Variants in TM2D1 observed in about 807,000 individuals in gnomAD.
The protein encoded by TM2D1 is TM2 domain-containing protein 1.
A neutral mutation model predicts 28.4 loss-of-function variants in TM2D1; 15 were observed. That is an observed-to-expected ratio of 0.53 (90% CI 0.35 to 0.81). The LOEUF (loss-of-function observed/expected upper bound fraction) is 0.81, where lower values mean the gene tolerates loss of function less well. TM2D1 is among the 40% of genes least tolerant of loss of function. TM2D1 has a pLI of 0.01. For synonymous variants in TM2D1, 93 were observed against 96.2 expected, an observed-to-expected ratio of 0.97 and a Z score of 0.20; for missense variants, 236 against 254.9, an observed-to-expected ratio of 0.93 and a Z score of 0.50.
intron 5 of TM2D1, among the ~76,000 whole-genome samples, chr1:61,691,775 C>T (rs979965085): frequency 6.7e-6 from 1 of 149,948 alleles, no homozygotes; most frequent in Admixed American, 6.7e-5. Flanking sequence ...ATTAGCCAGG[C>T]GTAGTGGTGT....
chr1:61,697,578 C>G (rs886417763), intron 4 of TM2D1: 3 of 152,110 alleles, frequency 2.0e-5, no homozygotes, highest in African/African-American at 7.2e-5. Context: ...ACCTAAATGA[C>G]ATGCAATGAC....
chr1:61,710,053 T>G (rs1213174143), intron 2 of TM2D1, among the ~76,000 whole-genome samples: 1 of 152,154 alleles, frequency 6.6e-6, no homozygotes, highest in Non-Finnish European at 1.5e-5. Context: ...TTAACAGCTT[T>G]ATAACCTCAT....
Position 61,701,260 on chromosome 1 carries a change from T to C in TM2D1, c.348-235A>G, listed in dbSNP as rs188911415. ...GGTGGTAACAAGCAATAAACACAAATATATTTAAAAAATAAATCATATACT... is the reference window on the plus strand; with the variant it reads ...GGTGGTAACAAGCAATAAACACAAACATATTTAAAAAATAAATCATATACT... On this transcript the variant is annotated intron_variant, in intron 3 of 6. Coordinates refer to ENST00000606498, the MANE Select transcript of TM2D1 (RefSeq NM_032027.3). 7.6e-5 allele frequency among the ~76,000 whole-genome samples: 7 copies of C among 91,620 alleles called. No homozygotes were observed. The East Asian group carries it at 1.8e-3, about 23-fold the overall frequency. The allele number at this position is 91,620 out of a possible 152,430, so 60.1% of individuals were successfully genotyped here.
rs575186859 is a variant in TM2D1, at chr1:61,701,680, G to T, written c.348-655C>A. Among the ~76,000 whole-genome samples the T allele has an allele frequency of 6.3e-4, 96 of 151,924 alleles. 1 individual carries two copies. The highest frequency in any genetic ancestry group is 2.3e-3 in the African/African-American group (94 of 41,412). ...CTGTTTATGTGTCTAACGTTATAAG[G>T]ATGTCAAACTTTATGCTGAGGGCAG... is the stretch of plus-strand genomic sequence containing the variant. On this transcript the variant is annotated intron_variant, in intron 3 of 6. Transcript: ENST00000606498.
At chr1:61,691,932 A>AATATATATATAT (rs1163953838) in intron 5 of TM2D1, among the ~76,000 whole-genome samples, 18 of 76,304 alleles carry the variant, frequency 2.4e-4, no homozygotes, top group South Asian at 8.8e-4. Context: ...AAAAAAAAAA[A>AATATATATATAT]ATATATATAT....
intron 6 of TM2D1, among the ~76,000 whole-genome samples, chr1:61,682,330 C>T (rs2148029202): frequency 6.6e-6 from 1 of 152,304 alleles, no homozygotes; most frequent in South Asian, 2.1e-4. Flanking sequence ...AGCTGCTAGA[C>T]AGCTCAAAGT....
intron 3 of TM2D1, 45 bp from the exon 4 acceptor site, chr1:61,701,070 T>C: frequency 6.7e-7 from 1 of 1,490,438 alleles, no homozygotes; most frequent in Non-Finnish European, 9.2e-7. Flanking sequence ...AATGTGAACA[T>C]TTTAGAAAAA....
intron 5 of TM2D1, among the ~76,000 whole-genome samples, chr1:61,692,671 G>A (rs930847834): frequency 2.0e-4 from 31 of 152,142 alleles, no homozygotes; most frequent in Admixed American, 1.8e-3. Context: ...TGAGATGAGA[G>A]GATCGCTTAA....
At chr1:61,696,089 T>C (rs1041068055) in intron 4 of TM2D1, 4 of 152,236 alleles carry the variant, frequency 2.6e-5, no homozygotes, top group African/African-American at 9.6e-5. Flanking sequence ...CTTTAGTTTT[T>C]TCATTAGTTG....
At chr1:61,687,076 T>C (rs1644290273) in intron 5 of TM2D1, among the ~76,000 whole-genome samples, 1 of 151,938 alleles carries the variant, frequency 6.6e-6, no homozygotes, top group Non-Finnish European at 1.5e-5. Flanking sequence ...GGGCACAGTG[T>C]CTCATGTCTG....
chr1:61,688,410 T>C (rs1197082366), intron 5 of TM2D1, among the ~76,000 whole-genome samples: 1 of 152,188 alleles, frequency 6.6e-6, no homozygotes, highest in Non-Finnish European at 1.5e-5. Flanking sequence ...GGGAGCTATC[T>C]GAAAGATTTG....
intron 2 of TM2D1, among the ~76,000 whole-genome samples, chr1:61,710,505 C>T (rs7413553): frequency 5.0e-4 from 16 of 31,938 alleles, no homozygotes; most frequent in Admixed American, 2.9e-3. Context: ...TACACACATA[C>T]ACACACACAC....
Position 61,694,723 on chromosome 1 carries a change from T to C in TM2D1, c.487A>G (p.Ile163Val). ...TGCATTGAAATAAGAATGAAATCAA[T>C]TAGGCTCCCAATTCCACAAAACCCT... Reference protein sequence around the residue: ...TVGFCGIGSLIDFILISMQIV... With the variant: ...TVGFCGIGSLVDFILISMQIV... The change falls in exon 5 of 7, where the codon ATT becomes GTT. Residue 163 changes from isoleucine to valine, a missense_variant. By Grantham distance (29) the Ile-to-Val change is conservative (BLOSUM62 3). This residue lies in a region of TM2D1 where 64 missense variants were observed against 73.1 expected (regional missense o/e 0.88). Transcript: ENST00000606498. 6.2e-7 allele frequency: 1 copy of C among 1,607,602 alleles called. No individual in the cohort carries two copies. Among genetic ancestry groups the C allele is most frequent in the Non-Finnish European group, 8.5e-7 (1 of 1,177,062 alleles).
intron 2 of TM2D1, among the ~76,000 whole-genome samples, chr1:61,716,592 T>C (rs551747097): frequency 5.7e-4 from 79 of 137,910 alleles, no homozygotes; most frequent in African/African-American, 1.4e-3. Context: ...TATATATATA[T>C]ACACACACAC....
intron 3 of TM2D1, among the ~76,000 whole-genome samples, chr1:61,708,405 T>A (rs1644455186): frequency 1.3e-5 from 2 of 152,174 alleles, no homozygotes; most frequent in African/African-American, 4.8e-5. Flanking sequence ...TGTCTTACTA[T>A]CCCAAACTGA....
At chr1:61,696,208 A>C (rs573805460) in intron 4 of TM2D1, 13 of 152,302 alleles carry the variant, frequency 8.5e-5, no homozygotes, top group African/African-American at 2.9e-4. Context: ...TATAAACTTG[A>C]GAATGTCATA....
At chr1:61,696,921 A>T (rs976201239) in intron 4 of TM2D1, among the ~76,000 whole-genome samples, 3 of 146,660 alleles carry the variant, frequency 2.0e-5, no homozygotes, top group Admixed American at 1.4e-4. Flanking sequence ...CCTGGCCTAA[A>T]TTTTTTTTTT....
intron 2 of TM2D1, among the ~76,000 whole-genome samples, chr1:61,720,763 A>G (rs12061090): frequency 0.041 from 6,286 of 152,176 alleles, 436 homozygotes; most frequent in African/African-American, 0.14. Context: ...AAACAAATGC[A>G]CTTATTGAAT....
chr1:61,714,686 G>T (rs1480260216), intron 2 of TM2D1, among the ~76,000 whole-genome samples: 2 of 152,138 alleles, frequency 1.3e-5, no homozygotes, highest in Non-Finnish European at 2.9e-5. Context: ...TCCCAAGTAG[G>T]TGGTACTATA....
Sources: allele counts gnomAD v4.1 joint callset (sites outside exome capture counted in the v4.1 genomes callset), GRCh38; gene constraint gnomAD v4.1.1; regional missense constraint gnomAD v4.1.1; transcripts MANE v1.5; gene names NCBI Gene and HGNC (gene_info 2026-07-23, HGNC 2026-07-21).